Variants in NBEA observed in about 807,000 individuals in gnomAD.
NBEA encodes the protein neurobeachin.
A neutral mutation model predicts 343.4 loss-of-function variants in NBEA; 44 were observed. The observed-to-expected ratio is 0.13, with a 90% CI of 0.10 to 0.16. The LOEUF is 0.16. Ranked by LOEUF, NBEA falls within the 10% of genes least tolerant of loss-of-function variation. The pLI is 1.00. For missense variants in NBEA, 2,555 were observed against 3,631.3 expected (o/e 0.70, Z 7.62); for synonymous variants, 1,175 against 1,238.7 (o/e 0.95, Z 1.08).
rs373362828 is a variant in NBEA at position 35,170,981 on chromosome 13, A to G, written c.4243-291A>G. On this transcript the variant is annotated intron_variant, in intron 25 of 58. Transcript: ENST00000379939. ...TACATATATGTGGTTCTGTCTAAAT[A>G]TCTTTGTGAAATGATCTTAAGTTTA... The G allele has an allele frequency of 1.1e-4, 50 of 441,646 alleles. No homozygotes were observed. The East Asian group carries it at 2.4e-3, about 21-fold the overall frequency. The allele number at this position is 441,646 out of a possible 1,614,324, so 27.4% of individuals were successfully genotyped here.
In NBEA at chr13:34,942,736, G is replaced by A. The variant is rs1195479045; in HGVS notation, c.-85G>A. On this transcript the variant is annotated 5_prime_UTR_variant, in exon 1 of 59. Coordinates refer to ENST00000379939, the MANE Select transcript of NBEA (RefSeq NM_001385012.1). ...TGGATGCTGGGGCTCCGAGGCGACG[G>A]CCGGGGGGCGGGGGCCGAGGCAGGT... The A allele has an allele frequency of 6.9e-6, 8 of 1,152,064 alleles. No individual in the cohort carries two copies. The highest frequency in any genetic ancestry group is 4.3e-5 in the Admixed American group (1 of 23,294). The allele number at this position is 1,152,064 out of a possible 1,614,324, so 71.4% of individuals were successfully genotyped here. A position where few individuals can be genotyped will look rare whatever the true frequency, so the allele number is the denominator to read the frequency against.
At chr13:35,453,782 A>G (rs566323050) in intron 40 of NBEA, among the ~76,000 whole-genome samples, 72 of 152,304 alleles carry the variant, frequency 4.7e-4, no homozygotes, top group Admixed American at 2.2e-3. Context: ...CAGTGGCACA[A>G]TTCAACAAAG....
At chr13:35,289,582 T>G (rs1361926795) in intron 34 of NBEA, among the ~76,000 whole-genome samples, 1 of 151,828 alleles carries the variant, frequency 6.6e-6, no homozygotes, top group Non-Finnish European at 1.5e-5. Context: ...TCAATACATA[T>G]AAGAATTAAT....
intron 40 of NBEA, among the ~76,000 whole-genome samples, chr13:35,465,163 T>G (rs2047101554): frequency 6.6e-6 from 1 of 152,212 alleles, no homozygotes; most frequent in Non-Finnish European, 1.5e-5. Flanking sequence ...AAATTTGAAA[T>G]CAATTTCAGA....
chr13:35,518,317 T>C (rs1347653092), intron 41 of NBEA, among the ~76,000 whole-genome samples: 1 of 152,192 alleles, frequency 6.6e-6, no homozygotes, highest in African/African-American at 2.4e-5. Flanking sequence ...TAAATCCTTA[T>C]AACAACTATA....
At chr13:34,957,007 G>C (rs181588178) in intron 1 of NBEA, among the ~76,000 whole-genome samples, 8 of 147,640 alleles carry the variant, frequency 5.4e-5, no homozygotes, top group African/African-American at 2.0e-4. Context: ...ATATCATGTG[G>C]AATATATATA....
intron 1 of NBEA, among the ~76,000 whole-genome samples, chr13:34,951,486 T>C (rs1425429677): frequency 6.6e-6 from 1 of 152,186 alleles, no homozygotes; most frequent in Non-Finnish European, 1.5e-5. Flanking sequence ...AAAGAAGTAA[T>C]GACCTAACTG....
At chr13:35,651,900 T>G in intron 53 of NBEA, 24 bp downstream of exon 53, 1 of 1,269,934 alleles carries the variant, frequency 7.9e-7, no homozygotes. Context: ...AAAGAATAAA[T>G]TTTCATGGAT....
intron 33 of NBEA, among the ~76,000 whole-genome samples, chr13:35,218,377 T>G (rs1326596906): frequency 6.6e-6 from 1 of 152,080 alleles, no homozygotes; most frequent in Non-Finnish European, 1.5e-5. Flanking sequence ...ACTCACTTAT[T>G]ATTCCTAATT....
intron 35 of NBEA, among the ~76,000 whole-genome samples, chr13:35,294,983 G>A (rs180712385): frequency 1.6e-3 from 246 of 150,858 alleles, no homozygotes; most frequent in Middle Eastern, 3.4e-3. Context: ...GGCTTCCCTG[G>A]GCCACACTGG....
intron 10 of NBEA, among the ~76,000 whole-genome samples, chr13:35,077,283 C>T (rs2064162271): frequency 6.6e-6 from 1 of 152,114 alleles, no homozygotes; most frequent in South Asian, 2.1e-4. Flanking sequence ...GGCTTATACA[C>T]ATAAACCATT....
intron 41 of NBEA, among the ~76,000 whole-genome samples, chr13:35,498,404 G>C (rs1043222251): frequency 3.3e-5 from 5 of 151,972 alleles, no homozygotes; most frequent in Admixed American, 1.3e-4. Flanking sequence ...GAGTCCTCTG[G>C]CATTGATGAC....
chr13:35,493,733 A>G (rs1386833482), intron 41 of NBEA, among the ~76,000 whole-genome samples: 1 of 151,922 alleles, frequency 6.6e-6, no homozygotes, highest in Non-Finnish European at 1.5e-5. Context: ...GCCCTGTGTG[A>G]TGAAGGCATT....
At position 35,318,286 on chromosome 13, in the gene NBEA, G is replaced by A. The variant is rs1437676232; in HGVS notation, c.5903+8694G>A. ...TTGAGATACATTCCATCAATACCTAGTTTGTTGAGAGTTTTTTGCTTGAAG... is the reference window on the plus strand; with the variant it reads ...TTGAGATACATTCCATCAATACCTAATTTGTTGAGAGTTTTTTGCTTGAAG... On this transcript the variant is annotated intron_variant, in intron 36 of 58. Transcript: ENST00000379939. Among the ~76,000 whole-genome samples, 3 of 152,212 alleles carry A rather than the reference G, an allele frequency of 2.0e-5. No individual in the cohort carries two copies. The East Asian group carries it at 5.8e-4, about 29-fold the overall frequency.
chr13:34,985,111 T>C (rs1483443553), intron 1 of NBEA, among the ~76,000 whole-genome samples: 1 of 151,148 alleles, frequency 6.6e-6, no homozygotes, highest in Non-Finnish European at 1.5e-5. Context: ...ATCCTTGTCT[T>C]GTGCCAGTTT....
At chr13:35,229,573 T>C (rs970197812) in intron 33 of NBEA, among the ~76,000 whole-genome samples, 1 of 152,130 alleles carries the variant, frequency 6.6e-6, no homozygotes, top group African/African-American at 2.4e-5. Context: ...ACATAGCTTT[T>C]AATTTATTTT....
At chr13:35,261,512 AAATAAT>A (rs977099676) in intron 34 of NBEA, among the ~76,000 whole-genome samples, 3 of 152,072 alleles carry the variant, frequency 2.0e-5, no homozygotes, top group Non-Finnish European at 4.4e-5. Flanking sequence ...CTCCATCTCA[AAATAAT>A]AATAATAATA....
At chr13:35,398,779 T>G (rs2042865178) in intron 38 of NBEA, among the ~76,000 whole-genome samples, 1 of 152,002 alleles carries the variant, frequency 6.6e-6, no homozygotes, top group Non-Finnish European at 1.5e-5. Context: ...GCCCTAGAAT[T>G]TTTTGAATGG....
chr13:35,316,184 G>A (rs778845183), intron 36 of NBEA, among the ~76,000 whole-genome samples: 23 of 151,884 alleles, frequency 1.5e-4, no homozygotes, highest in Non-Finnish European at 2.2e-4. Context: ...AGGTATACAC[G>A]TGTCATGGTG....
Sources: allele counts gnomAD v4.1 joint callset (sites outside exome capture counted in the v4.1 genomes callset), GRCh38; gene constraint gnomAD v4.1.1; transcripts MANE v1.5; gene names NCBI Gene and HGNC (gene_info 2026-07-23, HGNC 2026-07-21).